The following MEGF10 variants were observed in gnomAD, a reference collection of about 807,000 sequenced individuals.
The protein encoded by MEGF10 is multiple EGF like domains 10.
In MEGF10, 86 loss-of-function variants were observed where a neutral mutation model predicts 147.5. The ratio of observed to expected loss-of-function variants is 0.58; its 90% CI spans 0.49 to 0.70. The LOEUF (loss-of-function observed/expected upper bound fraction) is 0.70, where lower values mean the gene tolerates loss of function less well. Ranked by LOEUF, MEGF10 falls within the 30% of genes least tolerant of loss-of-function variation. The pLI, the probability that MEGF10 is intolerant of heterozygous loss-of-function variation, is 0.00. For missense variants in MEGF10, 1,329 were observed against 1,487.3 expected, an observed-to-expected ratio of 0.89 and a Z score of 1.75; for synonymous variants, 478 against 525.5, an observed-to-expected ratio of 0.91 and a Z score of 1.24.
rs373651212 is a variant in MEGF10, at chr5:127,399,084, A to G, written c.780+288A>G. Among the ~76,000 whole-genome samples the G allele has an allele frequency of 8.5e-5, 13 of 152,346 alleles. No individual in the cohort carries two copies. The South Asian group carries it at 1.5e-3, about 17-fold the overall frequency. On this transcript the variant is annotated intron_variant, in intron 7 of 24. Transcript: ENST00000503335. ...AAGGATAAAAAAAAGAGAGACAAAT[A>G]TCTAGTCTCACATGACAGTCAGTGC... is the stretch of plus-strand genomic sequence containing the variant.
chr5:127,267,279 G>A, the MEGF10 span, among the ~76,000 whole-genome samples: 4 of 152,040 alleles, frequency 2.6e-5, no homozygotes, highest in South Asian at 4.1e-4. Context: ...AGCCCACTTG[G>A]TCATGGTGGA....
At chr5:127,407,196 C>T (rs2126944578) in intron 8 of MEGF10, among the ~76,000 whole-genome samples, 1 of 152,222 alleles carries the variant, frequency 6.6e-6, no homozygotes, top group East Asian at 1.9e-4. Context: ...ACATTTCCCC[C>T]AGAGCAGCAG....
Position 127,339,123 on chromosome 5 carries a change from C to T in MEGF10, c.120C>T (p.Tyr40=), listed in dbSNP as rs372038844. The part of the protein sequence containing the change: ...DPNVCSHWES[Y]SVTVQESYPH... The stretch of plus-strand genomic sequence containing the variant: ...TTATTTTTCCATTTCTTTTCAGCTA[C>T]TCAGTGACTGTGCAAGAGTCATACC... The change falls in exon 3 of 25, where the codon TAC becomes TAT. Residue 40 remains tyrosine (Y), a synonymous_variant. Transcript: ENST00000503335. 2.3e-5 allele frequency: 37 copies of T among 1,591,352 alleles called. No homozygotes were observed. The highest frequency in any genetic ancestry group is 8.4e-5 in the Admixed American group (5 of 59,278).
rs369959948 is a variant in MEGF10 at position 127,420,182 on chromosome 5, G to C, written c.1565G>C (p.Gly522Ala). The part of the protein sequence containing the change: ...GTCTCAPGWR[G>A]EKCELPCQDG... ...TGCACGTGTGCACCTGGATGGCGCGGGGAGAAATGCGAACTTCCCTGCCAG... is the reference window on the plus strand; with the variant it reads ...TGCACGTGTGCACCTGGATGGCGCGCGGAGAAATGCGAACTTCCCTGCCAG... The change falls in exon 12 of 25, where the codon GGG becomes GCG. Residue 522 changes from glycine to alanine, a missense_variant. Around this residue, in one of 3 missense-constraint regions of MEGF10, gnomAD observed 980 missense variants for 1,085.9 expected, o/e 0.90. Coordinates refer to ENST00000503335, the MANE Select transcript of MEGF10 (RefSeq NM_001256545.2). 4.3e-6 allele frequency: 7 copies of C among 1,614,034 alleles called. No homozygotes were observed. The highest frequency in any genetic ancestry group is 5.9e-6 in the Non-Finnish European group (7 of 1,180,014).
the MEGF10 span, among the ~76,000 whole-genome samples, chr5:127,260,272 T>G: frequency 6.6e-6 from 1 of 152,134 alleles, no homozygotes. Context: ...ATAATGCAAT[T>G]AAACACCCAG....
chr5:127,372,747 A>C (rs909017995), intron 5 of MEGF10, among the ~76,000 whole-genome samples: 6 of 152,202 alleles, frequency 3.9e-5, no homozygotes, highest in African/African-American at 1.4e-4. Context: ...ACCAGAATTG[A>C]AGTGCTCTTT....
At chr5:127,429,971 T>A (rs1765341034) in intron 13 of MEGF10, among the ~76,000 whole-genome samples, 1 of 152,134 alleles carries the variant, frequency 6.6e-6, no homozygotes. Context: ...TGCCCAGATG[T>A]CTCACCTGCT....
intron 4 of MEGF10, among the ~76,000 whole-genome samples, chr5:127,357,600 TAAATA>T (rs1486575332): frequency 1.2e-4 from 16 of 138,692 alleles, no homozygotes; most frequent in African/African-American, 4.3e-4. Flanking sequence ...AATAAATAAA[TAAATA>T]AATAAATAAA....
In MEGF10 at chr5:127,321,851, G is replaced by A. The variant is rs59394800; in HGVS notation, c.-18-9440G>A. Among the ~76,000 whole-genome samples the A allele has an allele frequency of 8.4e-3, 1,286 of 152,226 alleles. 17 individuals carry two copies. Among genetic ancestry groups the A allele is most frequent in the African/African-American group, 0.029 (1,207 of 41,540 alleles). ...TGTCCCTGTCCTCCCCCTACCATGGGAAGGGAAAGACTGAAGATTCTGATG... is the reference window on the plus strand; with the variant it reads ...TGTCCCTGTCCTCCCCCTACCATGGAAAGGGAAAGACTGAAGATTCTGATG... On this transcript the variant is annotated intron_variant, in intron 1 of 24. Coordinates refer to ENST00000503335, the MANE Select transcript of MEGF10 (RefSeq NM_001256545.2).
upstream of MEGF10, among the ~76,000 whole-genome samples, chr5:127,289,866 G>GT (rs1404610182): frequency 2.6e-5 from 4 of 152,004 alleles, no homozygotes; most frequent in African/African-American, 7.2e-5. Flanking sequence ...ACCTGTTTTT[G>GT]TTTTTTTGTG....
chr5:127,287,555 G>T (rs1759067306), upstream of MEGF10, among the ~76,000 whole-genome samples: 1 of 151,914 alleles, frequency 6.6e-6, no homozygotes, highest in Admixed American at 6.6e-5. Flanking sequence ...CATGTTCAAA[G>T]CTACAAAATA....
At chr5:127,378,749 C>T (rs764159553) in intron 5 of MEGF10, among the ~76,000 whole-genome samples, 14 of 152,196 alleles carry the variant, frequency 9.2e-5, no homozygotes, top group Non-Finnish European at 1.3e-4. Flanking sequence ...CACCGTGCCC[C>T]GCCCCCTACA....
the MEGF10 span, among the ~76,000 whole-genome samples, chr5:127,246,343 CT>C: frequency 6.6e-6 from 1 of 151,212 alleles, no homozygotes; most frequent in Non-Finnish European, 1.5e-5. Flanking sequence ...TCTCAGCAAA[CT>C]AACACAGAAA....
Position 127,355,734 on chromosome 5 carries a change from G to A in MEGF10, c.320-14176G>A, listed in dbSNP as rs73344973. On this transcript the variant is annotated intron_variant, in intron 4 of 24. Transcript: ENST00000503335. ...CTTTGTTGCTTTACTGATTGACAAT[G>A]CTTGCTCAGTGTTTAGGATTTTATA... Among the ~76,000 whole-genome samples, 161 of 152,276 alleles carry A rather than the reference G, an allele frequency of 1.1e-3. 2 individuals are homozygous for A. The highest frequency in any genetic ancestry group is 3.7e-3 in the African/African-American group (154 of 41,570).
At chr5:127,444,342 A>AT (rs1310862730) in intron 19 of MEGF10, 1 of 152,274 alleles carries the variant, frequency 6.6e-6, no homozygotes, top group Non-Finnish European at 1.5e-5. Context: ...TTTGACTGTC[A>AT]TAACAATAGA....
chr5:127,271,950 T>C, the MEGF10 span, among the ~76,000 whole-genome samples: 2 of 152,194 alleles, frequency 1.3e-5, no homozygotes, highest in Non-Finnish European at 2.9e-5. Flanking sequence ...CATTGGTCAA[T>C]TTTTGCTTTT....
intron 1 of MEGF10, among the ~76,000 whole-genome samples, chr5:127,315,258 G>A (rs896072902): frequency 1.3e-5 from 2 of 152,006 alleles, no homozygotes. Context: ...TAATTATCTT[G>A]ATATTAATGT....
intron 12 of MEGF10, 107 bp downstream of exon 12, chr5:127,420,314 C>T: frequency 8.1e-7 from 1 of 1,240,760 alleles, no homozygotes; most frequent in Non-Finnish European, 1.1e-6. Context: ...ACTGTGAACC[C>T]AACTTCGGTA....
At chr5:127,283,930 G>A in the MEGF10 span, among the ~76,000 whole-genome samples, 8 of 152,102 alleles carry the variant, frequency 5.3e-5, no homozygotes, top group Admixed American at 2.0e-4. Flanking sequence ...GGAAATAAAC[G>A]GATGAATTTG....
Sources: allele counts gnomAD v4.1 joint callset (sites outside exome capture counted in the v4.1 genomes callset), GRCh38; gene constraint gnomAD v4.1.1; regional missense constraint gnomAD v4.1.1; transcripts MANE v1.5; gene names NCBI Gene and HGNC (gene_info 2026-07-23, HGNC 2026-07-21).